The following PDE4DIP variants were observed in gnomAD, a reference collection of about 807,000 sequenced individuals.
The protein encoded by PDE4DIP is phosphodiesterase 4D interacting protein, also known as myomegalin.
In PDE4DIP, 59 loss-of-function variants were observed where a neutral mutation model predicts 221.4. That is an observed-to-expected ratio of 0.27 (90% confidence interval 0.22 to 0.33). The LOEUF (loss-of-function observed/expected upper bound fraction) is 0.33, where lower values mean the gene tolerates loss of function less well. Ranked by LOEUF, PDE4DIP falls within the 10% of genes least tolerant of loss-of-function variation. PDE4DIP has a pLI of 1.00. For synonymous variants in PDE4DIP, 404 were observed against 815.9 expected (o/e 0.50, Z 8.60); for missense variants, 1,036 against 2,154.2 (o/e 0.48, Z 10.28).
intron 5 of PDE4DIP, chr1:148,952,935 G>GC: frequency 6.3e-7 from 1 of 1,593,002 alleles, no homozygotes; most frequent in Non-Finnish European, 8.6e-7. Flanking sequence ...TTCGCTTGCA[G>GC]CAAGTGTGCT....
intron 1 of PDE4DIP, among the ~76,000 whole-genome samples, chr1:148,900,986 G>GT (rs2040457777): frequency 1.5e-5 from 1 of 68,462 alleles, no homozygotes; most frequent in Non-Finnish European, 2.6e-5. Flanking sequence ...TTCAAGAAAT[G>GT]TAAGTGCTTG....
At chr1:148,969,667 T>A (rs1457521616) in intron 14 of PDE4DIP, among the ~76,000 whole-genome samples, 1 of 149,430 alleles carries the variant, frequency 6.7e-6, no homozygotes, top group Non-Finnish European at 1.5e-5. Flanking sequence ...CTCATAATAG[T>A]ACAGGGTATA....
At chr1:148,930,292 T>A (rs1474700890) in intron 2 of PDE4DIP, 1 of 151,968 alleles carries the variant, frequency 6.6e-6, no homozygotes, top group African/African-American at 2.4e-5. Flanking sequence ...GGTGGGTGGA[T>A]CACGAGGTCA....
chr1:148,970,007 A>G (rs1236690518), intron 14 of PDE4DIP, among the ~76,000 whole-genome samples: 1 of 152,166 alleles, frequency 6.6e-6, no homozygotes. Flanking sequence ...TGCCCTGCCC[A>G]TAGTAAAGTG....
At chr1:148,951,453 G>A (rs1356228892) in intron 5 of PDE4DIP, among the ~76,000 whole-genome samples, 1 of 152,192 alleles carries the variant, frequency 6.6e-6, no homozygotes, top group East Asian at 1.9e-4. Context: ...ACAATGCTGA[G>A]TAAGACATGG....
intron 1 of PDE4DIP, among the ~76,000 whole-genome samples, chr1:148,922,901 T>G (rs1360196818): frequency 4.1e-5 from 6 of 147,264 alleles, no homozygotes; most frequent in South Asian, 2.2e-4. Context: ...TTTTTATTTT[T>G]TTGAGGTGGA....
At chr1:148,973,202 C>T (rs1553532734) in intron 16 of PDE4DIP, among the ~76,000 whole-genome samples, 4 of 149,670 alleles carry the variant, frequency 2.7e-5, no homozygotes, top group East Asian at 2.0e-4. Flanking sequence ...GACGGAGTCT[C>T]GCTCTGTCAC....
chr1:148,922,732 T>C (rs1249482059), intron 1 of PDE4DIP, among the ~76,000 whole-genome samples: 23 of 145,422 alleles, frequency 1.6e-4, no homozygotes, highest in South Asian at 4.6e-4. Flanking sequence ...GGACTACAGG[T>C]GCCCGCCACC....
Position 149,031,921 on chromosome 1 carries a change from G to T in PDE4DIP, c.7000-23G>T, listed in dbSNP as rs782178997. 5.0e-6 allele frequency: 8 copies of T among 1,597,130 alleles called. No homozygotes were observed. In the South Asian group the frequency reaches 8.9e-5, roughly 18 times the overall value. ...GGGCCTGGCAATATACACTGATTTGGTTTGTTTTATGTTTGTCTGCAGGTG... is the reference window on the plus strand; with the variant it reads ...GGGCCTGGCAATATACACTGATTTGTTTTGTTTTATGTTTGTCTGCAGGTG... On this transcript the variant is annotated intron_variant, in intron 43 of 43. Transcript: ENST00000369354.
chr1:148,976,550 T>A (rs2060207455), intron 17 of PDE4DIP, among the ~76,000 whole-genome samples: 2 of 152,164 alleles, frequency 1.3e-5, no homozygotes, highest in Non-Finnish European at 2.9e-5. Context: ...GGGGACCTTC[T>A]CTAAGCTTGG....
At chr1:148,877,407 T>C (rs1629200) in intron 3 of PDE4DIP, among the ~76,000 whole-genome samples, 1 of 147,936 alleles carries the variant, frequency 6.8e-6, no homozygotes, top group Non-Finnish European at 1.5e-5. Flanking sequence ...ATTCTAGGGC[T>C]TTTACTATGT....
intron 22 of PDE4DIP, chr1:148,992,236 C>T (rs1553560502): frequency 1.8e-6 from 2 of 1,136,898 alleles, no homozygotes; most frequent in Admixed American, 1.9e-5. Context: ...CCACCTTTGC[C>T]CCTATTTATT....
rs1684945870 is a variant in PDE4DIP, at chr1:148,863,086, TCCCTAGCA to T, written c.234-162_234-155del. ...CTCTTCTGTGGTGTTTGCCTTTGTA[TCCCTAGCA>T]CTTGACACGGTCCCTGATACATAAT... On this transcript the variant is annotated intron_variant, in intron 1 of 45. Coordinates refer to the PDE4DIP transcript ENST00000524974. Among the ~76,000 whole-genome samples, 3 of 83,698 alleles carry T rather than the reference TCCCTAGCA, an allele frequency of 3.6e-5. 1 individual carries two copies. Among genetic ancestry groups the T allele is most frequent in the Admixed American group, 1.2e-4 (1 of 8,326 alleles). 54.9% of individuals were successfully genotyped at this position (83,698 alleles called of 152,430 possible).
At position 148,892,275 on chromosome 1, in the gene PDE4DIP, G is replaced by C. The variant is rs587745653; in HGVS notation, c.141+2381G>C. Among the ~76,000 whole-genome samples the C allele has an allele frequency of 5.8e-5, 7 of 121,718 alleles. 3 individuals carry two copies. The highest frequency in any genetic ancestry group is 8.2e-5 in the Non-Finnish European group (5 of 60,820). The allele number at this position is 121,718 out of a possible 152,430, so 79.9% of individuals were successfully genotyped here. On this transcript the variant is annotated intron_variant, in intron 1 of 43. Transcript: ENST00000369354. Reference sequence around the variant, plus strand: ...CTCCCAAAGTACTGGGATTACAGGCGTGAGCCACTGCGCCCCACCAGGATT... The same window carrying C: ...CTCCCAAAGTACTGGGATTACAGGCCTGAGCCACTGCGCCCCACCAGGATT...
At chr1:148,824,340 G>A (rs587754140) in intron 1 of PDE4DIP, among the ~76,000 whole-genome samples, 1 of 150,464 alleles carries the variant, frequency 6.6e-6, no homozygotes, top group South Asian at 2.1e-4. Context: ...TGGTAGCTTA[G>A]TTCCCACAGC....
chr1:149,021,751 G>A (rs1553619648), intron 37 of PDE4DIP: 1 of 146,916 alleles, frequency 6.8e-6, no homozygotes, highest in African/African-American at 2.5e-5. Context: ...AAAATTAAAA[G>A]ACACAAAAAC....
rs1553558853 is a variant in PDE4DIP, at chr1:148,991,704, T to TGATACAAAA, written c.2816-180_2816-179insATACAAAAG. ...TCAGGCTTGAGTATGAGTAAGAAAGTGTCTGTGATACAAAAAGTTCTATTT... is the reference window on the plus strand; with the variant it reads ...TCAGGCTTGAGTATGAGTAAGAAAGTGATACAAAAGTCTGTGATACAAAAAGTTCTATTT... On this transcript the variant is annotated intron_variant, in intron 21 of 43. Transcript: ENST00000369354. The TGATACAAAA allele has an allele frequency of 4.6e-4, 90 of 195,802 alleles. No homozygotes were observed. The Middle Eastern group carries it at 7.8e-3, about 17-fold the overall frequency. 12.1% of individuals were successfully genotyped at this position (195,802 alleles called of 1,614,324 possible).
Position 148,981,164 on chromosome 1 carries a change from A to G in PDE4DIP, c.2688-106A>G, listed in dbSNP as rs587654809. On this transcript the variant is annotated intron_variant, in intron 20 of 43. Coordinates refer to ENST00000369354, the Ensembl canonical transcript of PDE4DIP. ...GTGTCCTGGAGAACAATTACTTTAC[A>G]AAGTCGTGTGGCTCAAAGTGGTATT... The G allele has an allele frequency of 1.1e-3, 1,114 of 1,001,948 alleles. 5 individuals carry two copies. Among genetic ancestry groups the G allele is most frequent in the Non-Finnish European group, 1.6e-3 (1,015 of 654,768 alleles). The allele number at this position is 1,001,948 out of a possible 1,614,324, so 62.1% of individuals were successfully genotyped here.
intron 4 of PDE4DIP, among the ~76,000 whole-genome samples, chr1:148,933,055 G>A (rs587616659): frequency 6.6e-6 from 1 of 152,224 alleles, no homozygotes; most frequent in South Asian, 2.1e-4. Context: ...CCAAAACTGT[G>A]AGAAATACAT....
Sources: allele counts gnomAD v4.1 joint callset (sites outside exome capture counted in the v4.1 genomes callset), GRCh38; gene constraint gnomAD v4.1.1; transcripts MANE v1.5; gene names NCBI Gene and HGNC (gene_info 2026-07-23, HGNC 2026-07-21).